LRRIQ1: variants seen among roughly 807,000 people sequenced by gnomAD.
LRRIQ1 encodes the protein leucine rich repeats and IQ motif containing 1, also known as leucine-rich repeat- and IQ domain-containing protein 1.
A neutral mutation model predicts 211.9 loss-of-function variants in LRRIQ1; 210 were observed. The ratio of observed to expected loss-of-function variants is 0.99; its 90% CI spans 0.89 to 1.11. LRRIQ1 has a LOEUF of 1.11. Among genes scored for constraint, LRRIQ1 ranks in the 50% most tolerant of loss-of-function variants. The probability of loss-of-function intolerance (pLI) is 0.00; values close to 1 mark genes in which losing one functional copy is unlikely to be tolerated. For missense variants in LRRIQ1, 2,136 were observed against 1,939.5 expected (o/e 1.10, Z -1.90); for synonymous variants, 699 against 650.1 (o/e 1.08, Z -1.14).
In LRRIQ1 at chr12:85,131,934, T is replaced by C. The variant is rs1022666858; in HGVS notation, c.4209+3901T>C. Among the ~76,000 whole-genome samples the C allele has an allele frequency of 2.0e-5, 3 of 152,284 alleles. No homozygotes were observed. In the East Asian group the frequency reaches 5.8e-4, roughly 29 times the overall value. On this transcript the variant is annotated intron_variant, in intron 18 of 26. Transcript: ENST00000393217. ...ATATGAATATTACTTACCCACATGT[T>C]TACATGACCATTATTTCTGATAAAC... is the stretch of plus-strand genomic sequence containing the variant.
intron 15 of LRRIQ1, among the ~76,000 whole-genome samples, chr12:85,112,355 T>C (rs1038595404): frequency 1.3e-5 from 2 of 151,584 alleles, no homozygotes; most frequent in Non-Finnish European, 2.9e-5. Context: ...TTTCTATTAA[T>C]ATTAAAGTTA....
chr12:85,227,590 T>C (rs980845286), intron 24 of LRRIQ1, among the ~76,000 whole-genome samples: 1 of 152,116 alleles, frequency 6.6e-6, no homozygotes, highest in African/African-American at 2.4e-5. Flanking sequence ...AAAATGGCCA[T>C]ACTGCCCAAG....
intron 4 of LRRIQ1, among the ~76,000 whole-genome samples, chr12:85,045,408 T>G (rs1222975686): frequency 6.6e-6 from 1 of 151,846 alleles, no homozygotes; most frequent in Non-Finnish European, 1.5e-5. Flanking sequence ...TTAACATAAT[T>G]TGAAAATTTC....
rs185131285 is a variant in LRRIQ1 at position 85,057,583 on chromosome 12, G to T, written c.2391+399G>T. On this transcript the variant is annotated intron_variant, in intron 8 of 26. Transcript: ENST00000393217. ...TAGTGGCTGCTTTTGGAATAAAGTG[G>T]ATTTTATGTCCATGACCACTGTTGT... Among the ~76,000 whole-genome samples the T allele has an allele frequency of 3.0e-4, 45 of 152,142 alleles. No homozygotes were observed. In the East Asian group the frequency reaches 8.1e-3, roughly 27 times the overall value.
At chr12:85,086,044 T>C (rs1369177863) in intron 11 of LRRIQ1, among the ~76,000 whole-genome samples, 2 of 152,216 alleles carry the variant, frequency 1.3e-5, no homozygotes, top group East Asian at 3.9e-4. Flanking sequence ...ATTCACGTTT[T>C]CACCAATGGT....
intron 11 of LRRIQ1, among the ~76,000 whole-genome samples, chr12:85,093,127 G>A (rs552756213): frequency 3.3e-5 from 5 of 152,298 alleles, no homozygotes; most frequent in South Asian, 2.1e-4. Flanking sequence ...GGGTGTGCAT[G>A]AGGATATGTT....
chr12:85,160,532 A>G (rs1890807076), intron 23 of LRRIQ1, 81 bp from the exon 24 acceptor site: 2 of 752,480 alleles, frequency 2.7e-6, no homozygotes, highest in South Asian at 2.1e-5. Context: ...TTTTACTACC[A>G]CCATATAAGA....
At chr12:85,050,501 T>C (rs1880176540) in intron 6 of LRRIQ1, among the ~76,000 whole-genome samples, 1 of 152,204 alleles carries the variant, frequency 6.6e-6, no homozygotes, top group East Asian at 1.9e-4. Context: ...GAATTCTTAA[T>C]TTTGATAAGC....
intron 6 of LRRIQ1, among the ~76,000 whole-genome samples, chr12:85,049,164 C>G (rs1364252052): frequency 6.6e-6 from 1 of 152,106 alleles, no homozygotes. Context: ...ATGATTGACT[C>G]TAAATATATA....
intron 24 of LRRIQ1, among the ~76,000 whole-genome samples, chr12:85,201,403 G>T (rs946475281): frequency 4.6e-5 from 7 of 151,568 alleles, no homozygotes; most frequent in Admixed American, 3.9e-4. Flanking sequence ...GTATAATTTG[G>T]CTGGGAATCC....
At chr12:85,200,693 T>A (rs1437165270) in intron 24 of LRRIQ1, among the ~76,000 whole-genome samples, 1 of 152,202 alleles carries the variant, frequency 6.6e-6, no homozygotes, top group Non-Finnish European at 1.5e-5. Flanking sequence ...CTGCATCTAT[T>A]GAGAATTCTT....
At chr12:85,230,632 C>G (rs1479894499) in intron 25 of LRRIQ1, among the ~76,000 whole-genome samples, 1 of 152,038 alleles carries the variant, frequency 6.6e-6, no homozygotes, top group Non-Finnish European at 1.5e-5. Flanking sequence ...ATATACGCAT[C>G]CTGAACCAAA....
intron 25 of LRRIQ1, 98 bp downstream of exon 25, chr12:85,229,747 C>A: frequency 3.3e-6 from 4 of 1,225,720 alleles, no homozygotes; most frequent in South Asian, 1.3e-5. Flanking sequence ...GACTTTATTG[C>A]CAAAGGCCAA....
intron 24 of LRRIQ1, among the ~76,000 whole-genome samples, chr12:85,197,155 A>G (rs1892963596): frequency 6.6e-6 from 1 of 152,178 alleles, no homozygotes; most frequent in African/African-American, 2.4e-5. Context: ...TTTGAATGGC[A>G]ATCATTAAAA....
rs767493817 is a variant in LRRIQ1 at position 85,056,884 on chromosome 12, A to G, written c.2091A>G (p.Val697=). The G allele has an allele frequency of 3.1e-6, 5 of 1,613,420 alleles. No homozygotes were observed. In the African/African-American group the frequency reaches 4.0e-5, roughly 13 times the overall value. The change falls in exon 8 of 27, where the codon GTA becomes GTG. Residue 697 remains valine (V), a synonymous_variant. Transcript: ENST00000393217. Reference sequence around the variant, plus strand: ...ACTATAATGCAGAAAGCTCCATGGTATCTAAAGAAGTCAACTCTCTTAAAT... The same window carrying G: ...ACTATAATGCAGAAAGCTCCATGGTGTCTAAAGAAGTCAACTCTCTTAAAT... ...LSNYNAESSM[V]SKEVNSLKSE... is the part of the protein sequence containing the mutation.
chr12:85,236,830 C>CATATAT (rs60371759), intron 26 of LRRIQ1, among the ~76,000 whole-genome samples: 1,207 of 108,760 alleles, frequency 0.011, 18 homozygotes, highest in East Asian at 0.016. Flanking sequence ...TGTATGTGTG[C>CATATAT]ATATATATAT....
At chr12:85,249,996 TTTC>T (rs1895856207), downstream of LRRIQ1, among the ~76,000 whole-genome samples, 2 of 151,872 alleles carry the variant, frequency 1.3e-5, no homozygotes, top group African/African-American at 4.8e-5. Flanking sequence ...TTTTTTATTG[TTTC>T]TTCTTCTCCT....
At chr12:85,158,527 G>T (rs1592901345) in intron 23 of LRRIQ1, among the ~76,000 whole-genome samples, 1 of 151,868 alleles carries the variant, frequency 6.6e-6, no homozygotes, top group Admixed American at 6.6e-5. Flanking sequence ...AAAAGGGATT[G>T]TACAAGGAAT....
chr12:85,067,852 T>C (rs1882610832), intron 10 of LRRIQ1, among the ~76,000 whole-genome samples: 1 of 151,940 alleles, frequency 6.6e-6, no homozygotes, highest in Non-Finnish European at 1.5e-5. Flanking sequence ...TTACCTCACA[T>C]TGAGTTCTGT....
Sources: gnomAD v4.1 joint callset for allele counts (sites outside exome capture counted in the v4.1 genomes callset) on GRCh38, gnomAD v4.1.1 for gene constraint, MANE v1.5 for transcripts, NCBI Gene and HGNC (gene_info 2026-07-23, HGNC 2026-07-21) for gene names.